CACNB2: variants seen among roughly 807,000 people sequenced by gnomAD.
CACNB2 encodes the protein voltage-dependent L-type calcium channel subunit beta-2.
Under a neutral mutation model 73.3 loss-of-function variants are expected in CACNB2, and 42 were observed. That is an observed-to-expected ratio of 0.57 (90% confidence interval 0.45 to 0.74). The LOEUF (loss-of-function observed/expected upper bound fraction) is 0.74. Ranked by LOEUF, CACNB2 falls within the 30% of genes least tolerant of loss-of-function variation. The pLI, the probability that CACNB2 is intolerant of heterozygous loss-of-function variation, is 0.00. For synonymous variants in CACNB2, 348 were observed against 310.3 expected (o/e 1.12, Z -1.28); for missense variants, 940 against 853.0 (o/e 1.10, Z -1.27).
At chr10:18,411,940 A>G (rs1053348492) in intron 3 of CACNB2, among the ~76,000 whole-genome samples, 1 of 152,218 alleles carries the variant, frequency 6.6e-6, no homozygotes, top group African/African-American at 2.4e-5. Flanking sequence ...GCCTAGTGGC[A>G]TTAAGTCACC....
intron 7 of CACNB2, among the ~76,000 whole-genome samples, chr10:18,515,558 G>A (rs2051191780): frequency 6.6e-6 from 1 of 152,224 alleles, no homozygotes; most frequent in South Asian, 2.1e-4. Flanking sequence ...GTCAGATACA[G>A]AACTGTAAAG....
chr10:18,400,706 A>G (rs2043950210), intron 2 of CACNB2: 1 of 1,093,170 alleles, frequency 9.1e-7, no homozygotes, highest in Non-Finnish European at 1.1e-6. Context: ...AGCGCAGGGA[A>G]GAGAATGTTT....
At chr10:18,283,664 T>TG (rs1438663439) in intron 2 of CACNB2, among the ~76,000 whole-genome samples, 2 of 113,978 alleles carry the variant, frequency 1.8e-5, no homozygotes, top group Non-Finnish European at 3.4e-5. Context: ...CACTGGGGCC[T>TG]GTCATGAGTT....
chr10:18,518,355 A>G lies in CACNB2; in HGVS notation c.824A>G (p.Tyr275Cys), dbSNP rs200826317. The change falls in exon 8 of 14, where the codon TAT becomes TGT. Residue 275 changes from tyrosine (Y) to cysteine (C), a missense_variant. By Grantham distance (194) the Tyr-to-Cys change is radical. Coordinates refer to ENST00000324631, the MANE Select transcript of CACNB2 (RefSeq NM_201596.3). The part of the protein sequence containing the change: ...FFKKTEHTPP[Y>C]DVVPSMRPVV... ...CTGCAGACAGAGCACACTCCTCCGT[A>G]TGATGTGGTACCTTCCATGCGACCA... is the stretch of plus-strand genomic sequence containing the variant. 1 of 1,613,344 alleles carries G rather than the reference A, an allele frequency of 6.2e-7. No individual in the cohort carries two copies. The highest frequency in any genetic ancestry group is 8.5e-7 in the Non-Finnish European group (1 of 1,179,262).
At chr10:18,249,727 T>C (rs2037013054) in intron 2 of CACNB2, among the ~76,000 whole-genome samples, 1 of 152,166 alleles carries the variant, frequency 6.6e-6, no homozygotes, top group African/African-American at 2.4e-5. Context: ...CAAAAGCTTG[T>C]GGTTCTCAAG....
rs2050522976 is a variant in CACNB2 at position 18,506,948 on chromosome 10, A to G, written c.670+401A>G. Among the ~76,000 whole-genome samples the G allele has an allele frequency of 3.3e-5, 5 of 152,118 alleles. No homozygotes were observed. The South Asian group carries it at 1.0e-3, about 32-fold the overall frequency. On this transcript the variant is annotated intron_variant, in intron 6 of 13. Coordinates refer to ENST00000324631, the MANE Select transcript of CACNB2 (RefSeq NM_201596.3). Reference sequence around the variant, plus strand: ...CAAGTAGCTGGGACTACAGGTGCACACCACCATGCCCGGCTAATTTTTGTA... The same window carrying G: ...CAAGTAGCTGGGACTACAGGTGCACGCCACCATGCCCGGCTAATTTTTGTA...
chr10:18,397,510 G>A (rs146531696), intron 2 of CACNB2, among the ~76,000 whole-genome samples: 208 of 151,674 alleles, frequency 1.4e-3, no homozygotes, highest in African/African-American at 4.5e-3. Context: ...TTGTGTGAAC[G>A]TTAGACATAA....
intron 2 of CACNB2, among the ~76,000 whole-genome samples, chr10:18,302,757 A>G (rs1373029809): frequency 6.6e-6 from 1 of 152,190 alleles, no homozygotes; most frequent in Non-Finnish European, 1.5e-5. Context: ...TTCAGTGTAT[A>G]CTGCTCAGGT....
In CACNB2 at chr10:18,527,594, C is replaced by T; in HGVS notation, c.951C>T (p.Ser317=). 1 of 1,611,144 alleles carries T rather than the reference C, an allele frequency of 6.2e-7. No individual in the cohort carries two copies. The highest frequency in any genetic ancestry group is 8.5e-7 in the Non-Finnish European group (1 of 1,177,402). The change falls in exon 10 of 14, where the codon TCC becomes TCT. Residue 317 remains serine (S), a synonymous_variant. Coordinates refer to ENST00000324631, the MANE Select transcript of CACNB2 (RefSeq NM_201596.3). The part of the protein sequence containing the change: ...FLKHRFEGRI[S]ITRVTADISL... ...TGACTTTTTCCTCCAACAGGATATCCATCACAAGGGTCACCGCTGACATCT... is the reference window on the plus strand; with the variant it reads ...TGACTTTTTCCTCCAACAGGATATCTATCACAAGGGTCACCGCTGACATCT...
chr10:18,475,993 A>G (rs1278887955), intron 3 of CACNB2, among the ~76,000 whole-genome samples: 1 of 152,242 alleles, frequency 6.6e-6, no homozygotes, highest in East Asian at 1.9e-4. Context: ...AGTTAAAAAA[A>G]GAAAAAAGAA....
At chr10:18,490,694 G>A (rs766627359) in intron 3 of CACNB2, among the ~76,000 whole-genome samples, 65 of 152,276 alleles carry the variant, frequency 4.3e-4, no homozygotes, top group Middle Eastern at 3.4e-3. Context: ...TCTAAATGTG[G>A]ATTTCAATAG....
chr10:18,141,910 G>A (rs1478065708), intron 1 of CACNB2, among the ~76,000 whole-genome samples: 1 of 152,154 alleles, frequency 6.6e-6, no homozygotes, highest in East Asian at 1.9e-4. Context: ...GCCTACATTT[G>A]CCAGATTTTA....
chr10:18,316,218 A>G (rs988439094), intron 2 of CACNB2, among the ~76,000 whole-genome samples: 3 of 152,124 alleles, frequency 2.0e-5, no homozygotes, highest in East Asian at 1.9e-4. Context: ...TCTATTTCCC[A>G]GGTGTTTTAA....
rs1022574218 is a variant in CACNB2, at chr10:18,540,361, C to G, written c.*637C>G. 6.6e-6 allele frequency: 1 copy of G among 151,950 alleles called. No individual in the cohort carries two copies. The highest frequency in any genetic ancestry group is 1.5e-5 in the Non-Finnish European group (1 of 67,940). The allele number at this position is 151,950 out of a possible 1,614,324, so 9.4% of individuals were successfully genotyped here. On this transcript the variant is annotated 3_prime_UTR_variant, in exon 14 of 14. Coordinates refer to ENST00000324631, the MANE Select transcript of CACNB2 (RefSeq NM_201596.3). ...ATATATATATATCAGTTTGATCACA[C>G]TATTTTAGAGTCTTAATGCCAAGTC...
At chr10:18,215,760 T>G (rs1240557822) in intron 2 of CACNB2, among the ~76,000 whole-genome samples, 1 of 152,154 alleles carries the variant, frequency 6.6e-6, no homozygotes, top group African/African-American at 2.4e-5. Context: ...CAGACGGATC[T>G]TTTTAGGAGG....
intron 1 of CACNB2, among the ~76,000 whole-genome samples, chr10:18,145,631 A>T (rs2030887222): frequency 6.6e-6 from 1 of 152,190 alleles, no homozygotes. Flanking sequence ...GGCCCTTTCA[A>T]GAGAAGCTAA....
At chr10:18,300,830 CAG>C (rs1455664855) in intron 2 of CACNB2, among the ~76,000 whole-genome samples, 1 of 150,774 alleles carries the variant, frequency 6.6e-6, no homozygotes, top group East Asian at 1.9e-4. Context: ...GCCTGGGTAA[CAG>C]AGCGAGATTC....
intron 3 of CACNB2, among the ~76,000 whole-genome samples, chr10:18,487,166 T>A (rs545388982): frequency 2.8e-4 from 42 of 152,326 alleles, no homozygotes; most frequent in Admixed American, 2.6e-3. Context: ...GGTCTCAACC[T>A]GGCCAGCACC....
chr10:18,305,883 G>A lies in CACNB2; in HGVS notation c.214-96041G>A, dbSNP rs554748542. Among the ~76,000 whole-genome samples the A allele has an allele frequency of 5.3e-5, 8 of 152,198 alleles. No homozygotes were observed. The East Asian group carries it at 5.8e-4, about 11-fold the overall frequency. On this transcript the variant is annotated intron_variant, in intron 2 of 13. Transcript: ENST00000324631. ...GTTGGGAGGCCGAGGTGGGAGGATC[G>A]CTTGAGCCCAGGAGTTGGAGGCTGC... is the stretch of plus-strand genomic sequence containing the variant.
Sources: gnomAD v4.1 joint callset for allele counts (sites outside exome capture counted in the v4.1 genomes callset) on GRCh38, gnomAD v4.1.1 for gene constraint, MANE v1.5 for transcripts, NCBI Gene and HGNC (gene_info 2026-07-23, HGNC 2026-07-21) for gene names.